Variants in GOLIM4 observed in about 807,000 individuals in gnomAD.
GOLIM4 encodes golgi integral membrane protein 4.
In GOLIM4, 71 loss-of-function variants were observed where a neutral mutation model predicts 107.4. That is an observed-to-expected ratio of 0.66 (90% CI 0.55 to 0.81). The LOEUF (loss-of-function observed/expected upper bound fraction) is 0.81, where lower values mean the gene tolerates loss of function less well. GOLIM4 is among the 30% of genes least tolerant of loss of function. The probability of loss-of-function intolerance (pLI) is 0.00; values close to 1 mark genes in which losing one functional copy is unlikely to be tolerated. For missense variants in GOLIM4, 830 were observed against 826.1 expected (o/e 1.00, Z -0.06); for synonymous variants, 327 against 294.8 (o/e 1.11, Z -1.12).
chr3:168,022,088 G>T (rs745803519), intron 14 of GOLIM4, among the ~76,000 whole-genome samples: 6 of 152,134 alleles, frequency 3.9e-5, no homozygotes, highest in Non-Finnish European at 7.3e-5. Context: ...ATAAAAGAAG[G>T]CAGAGTAGTA....
chr3:168,032,878 G>T (rs1718415999), intron 8 of GOLIM4, 26 bp from the exon 9 acceptor site: 3 of 1,514,432 alleles, frequency 2.0e-6, no homozygotes, highest in Non-Finnish European at 2.7e-6. Flanking sequence ...CACTGGGAAT[G>T]ACACTCTTCC....
rs1716927295 is a variant in GOLIM4, at chr3:168,010,361, TG to T, written c.1998del (p.Gly668AlafsTer50). On this transcript the variant is annotated frameshift_variant, in exon 16 of 16. Coordinates refer to ENST00000470487, the MANE Select transcript of GOLIM4 (RefSeq NM_014498.5). LOFTEE classifies it high-confidence loss of function. ...TCCTCGTAGTGTTCCTCTCGGCCTT[TG>T]GGGCGGTTGTCATCTCGAACTTCTT... is the stretch of plus-strand genomic sequence containing the variant. ...EEQEVRDDNR[P>X]KGREEHYEEE... 1 of 1,613,124 alleles carries T rather than the reference TG, an allele frequency of 6.2e-7. No individual in the cohort carries two copies. Among genetic ancestry groups the T allele is most frequent in the South Asian group, 1.1e-5 (1 of 91,026 alleles).
chr3:168,091,073 T>C (rs911894134), intron 1 of GOLIM4, among the ~76,000 whole-genome samples: 4 of 152,216 alleles, frequency 2.6e-5, no homozygotes, highest in African/African-American at 9.6e-5. Context: ...ATGTCCATTC[T>C]TTGGGTGCAC....
intron 8 of GOLIM4, among the ~76,000 whole-genome samples, chr3:168,034,794 G>C (rs957091333): frequency 6.6e-6 from 1 of 152,140 alleles, no homozygotes; most frequent in African/African-American, 2.4e-5. Context: ...AGTTTCACAA[G>C]ATCTGATCGT....
At chr3:168,090,463 A>G (rs1050880165) in intron 1 of GOLIM4, among the ~76,000 whole-genome samples, 6 of 152,224 alleles carry the variant, frequency 3.9e-5, no homozygotes, top group Admixed American at 2.6e-4. Context: ...TTAAAATCAC[A>G]GTGAGATACC....
intron 1 of GOLIM4, among the ~76,000 whole-genome samples, chr3:168,063,041 G>A (rs1307274970): frequency 6.6e-6 from 1 of 152,106 alleles, no homozygotes; most frequent in East Asian, 1.9e-4. Context: ...GTCACAGCTG[G>A]AATCCTGCTT....
intron 14 of GOLIM4, among the ~76,000 whole-genome samples, chr3:168,011,079 C>A (rs1366772449): frequency 2.0e-5 from 3 of 152,310 alleles, no homozygotes; most frequent in African/African-American, 7.2e-5. Context: ...GTCTACAGCT[C>A]CCAGTGTGAG....
intron 14 of GOLIM4, among the ~76,000 whole-genome samples, chr3:168,017,541 C>T (rs1311174847): frequency 2.6e-5 from 4 of 152,126 alleles, no homozygotes; most frequent in African/African-American, 9.7e-5. Flanking sequence ...TATGGGAGAA[C>T]TGTAGAAATT....
At chr3:168,085,948 G>A (rs1301660872) in intron 1 of GOLIM4, among the ~76,000 whole-genome samples, 37 of 152,130 alleles carry the variant, frequency 2.4e-4, no homozygotes, top group Admixed American at 2.4e-3. Flanking sequence ...AAGCATACTT[G>A]AAGAATTATA....
rs944200151 is a variant in GOLIM4 at position 168,032,803 on chromosome 3, C to T, written c.893G>A (p.Arg298Lys). The change falls in exon 9 of 16, where the codon AGA (arginine) becomes AAA (lysine). Residue 298 changes from arginine to lysine, a missense_variant. Physicochemically the swap from Arg to Lys is conservative, Grantham distance 26. Coordinates refer to ENST00000470487, the MANE Select transcript of GOLIM4 (RefSeq NM_014498.5). ...VWQNHEAVPG[R>K]AEDTKLYAPT... is the part of the protein sequence containing the mutation. Reference sequence around the variant, plus strand: ...AGCATAGAGTTTTGTGTCTTCTGCTCTTCCAGGAACTGCTTCATGGTTCTG... The same window carrying T: ...AGCATAGAGTTTTGTGTCTTCTGCTTTTCCAGGAACTGCTTCATGGTTCTG... 1 of 1,613,908 alleles carries T rather than the reference C, an allele frequency of 6.2e-7. No individual in the cohort carries two copies. The highest frequency in any genetic ancestry group is 8.5e-7 in the Non-Finnish European group (1 of 1,179,972).
rs770628621 is a variant in GOLIM4 at position 168,095,253 on chromosome 3, C to A, written c.33G>T (p.Lys11Asn). ...GCAGCAGCAGCGTCTGGAAAATCCGCTTCTGCTTTCGGGAGCACATCCCGT... is the reference window on the plus strand; with the variant it reads ...GCAGCAGCAGCGTCTGGAAAATCCGATTCTGCTTTCGGGAGCACATCCCGT... MGNGMCSRKQ[K>N]RIFQTLLLLT... The change falls in exon 1 of 16, where the codon AAG becomes AAT. Residue 11 changes from lysine (K) to asparagine (N), a missense_variant. Transcript: ENST00000470487. 14 of 1,613,436 alleles carry A rather than the reference C, an allele frequency of 8.7e-6. No homozygotes were observed. The highest frequency in any genetic ancestry group is 1.2e-5 in the Non-Finnish European group (14 of 1,179,996).
chr3:168,095,313 C>T lies in GOLIM4; in HGVS notation c.-28G>A, dbSNP rs1348433963. On this transcript the variant is annotated 5_prime_UTR_variant, in exon 1 of 16. Transcript: ENST00000470487. ...TCCCGCCTGGACCCAAAGCCGCGGC[C>T]GCCCCCGCCGTCTCCTCCCCTTGGT... The T allele has an allele frequency of 4.4e-6, 7 of 1,596,252 alleles. No individual in the cohort carries two copies. In the Admixed American group the frequency reaches 5.1e-5, roughly 12 times the overall value.
intron 1 of GOLIM4, among the ~76,000 whole-genome samples, chr3:168,077,384 T>C (rs1010676757): frequency 1.3e-5 from 2 of 152,176 alleles, no homozygotes; most frequent in African/African-American, 4.8e-5. Flanking sequence ...TGACCCACCA[T>C]CTGAAGAGCA....
At chr3:168,085,264 G>A (rs1455638989) in intron 1 of GOLIM4, among the ~76,000 whole-genome samples, 1 of 152,136 alleles carries the variant, frequency 6.6e-6, no homozygotes, top group African/African-American at 2.4e-5. Context: ...TATAAAATCG[G>A]TTTGTTAAAA....
chr3:168,080,582 T>C (rs1300874722), intron 1 of GOLIM4, among the ~76,000 whole-genome samples: 1 of 151,890 alleles, frequency 6.6e-6, no homozygotes, highest in Non-Finnish European at 1.5e-5. Flanking sequence ...ACTAAAAATG[T>C]TAGTCAAGAT....
chr3:168,020,908 A>G (rs1422241594), intron 14 of GOLIM4, among the ~76,000 whole-genome samples: 1 of 152,240 alleles, frequency 6.6e-6, no homozygotes, highest in Non-Finnish European at 1.5e-5. Context: ...TAGAATAATA[A>G]GCAGAAGCCA....
At chr3:168,063,010 G>A (rs1416580041) in intron 1 of GOLIM4, among the ~76,000 whole-genome samples, 1 of 152,130 alleles carries the variant, frequency 6.6e-6, no homozygotes, top group Non-Finnish European at 1.5e-5. Context: ...AATCTAAGAA[G>A]CAAGTTGCTG....
At chr3:168,071,546 C>A (rs769411150) in intron 1 of GOLIM4, among the ~76,000 whole-genome samples, 1 of 151,344 alleles carries the variant, frequency 6.6e-6, no homozygotes, top group Non-Finnish European at 1.5e-5. Flanking sequence ...CCGGCGCCCC[C>A]CTACCTCCAG....
chr3:168,072,321 T>C (rs568387183), intron 1 of GOLIM4, among the ~76,000 whole-genome samples: 21 of 151,440 alleles, frequency 1.4e-4, no homozygotes, highest in African/African-American at 5.1e-4. Flanking sequence ...AGTAACATCC[T>C]AGCCTTTAAC....
Sources: allele counts gnomAD v4.1 joint callset (sites outside exome capture counted in the v4.1 genomes callset), GRCh38; gene constraint gnomAD v4.1.1; transcripts MANE v1.5; gene names NCBI Gene and HGNC (gene_info 2026-07-23, HGNC 2026-07-21).